Variants in ANXA8 observed in about 807,000 individuals in gnomAD.
The protein encoded by ANXA8 is VAC-beta.
In ANXA8, 9 loss-of-function variants were observed where a neutral mutation model predicts 26.8. The ratio of observed to expected loss-of-function variants is 0.34; its 90% confidence interval spans 0.20 to 0.59. ANXA8 has a LOEUF of 0.59. Ranked by LOEUF, ANXA8 falls within the 20% of genes least tolerant of loss-of-function variation. The pLI, the probability that ANXA8 is intolerant of heterozygous loss-of-function variation, is 0.84. For missense variants in ANXA8, 83 were observed against 238.5 expected (o/e 0.35, Z 4.29); for synonymous variants, 39 against 94.8 (o/e 0.41, Z 3.42).
At chr10:47,900,670 T>G in the ANXA8 span, among the ~76,000 whole-genome samples, 7 of 136,574 alleles carry the variant, frequency 5.1e-5, no homozygotes, top group East Asian at 1.3e-3. Flanking sequence ...AAAATGGTTT[T>G]TTTTTTTTTT....
chr10:47,704,329 T>A, the ANXA8 span, among the ~76,000 whole-genome samples: 3 of 143,032 alleles, frequency 2.1e-5, no homozygotes, highest in African/African-American at 7.5e-5. Flanking sequence ...TACGATCATC[T>A]CAATAGGTAC....
chr10:47,502,351 C>G, the ANXA8 span: 1 of 1,607,368 alleles, frequency 6.2e-7, no homozygotes, highest in South Asian at 1.1e-5. Flanking sequence ...AGTGGTGGCC[C>G]GCAGCAGCTG....
At chr10:47,590,835 G>A in the ANXA8 span, among the ~76,000 whole-genome samples, 3 of 128,506 alleles carry the variant, frequency 2.3e-5, no homozygotes, top group South Asian at 2.4e-4. Context: ...TATCCCTTTC[G>A]TTACCTTCAA....
chr10:47,652,098 A>G, the ANXA8 span, among the ~76,000 whole-genome samples: 2 of 151,722 alleles, frequency 1.3e-5, no homozygotes, highest in African/African-American at 4.9e-5. Flanking sequence ...CAGGAAATCC[A>G]TAGAGATAGA....
the ANXA8 span, among the ~76,000 whole-genome samples, chr10:47,636,800 T>C: frequency 6.6e-6 from 1 of 152,074 alleles, no homozygotes; most frequent in Non-Finnish European, 1.5e-5. Context: ...AAGAGGCTTG[T>C]AAACTGACTG....
At chr10:47,982,449 T>C in the ANXA8 span, among the ~76,000 whole-genome samples, 6 of 149,126 alleles carry the variant, frequency 4.0e-5, no homozygotes, top group Non-Finnish European at 7.5e-5. Flanking sequence ...TTGACAAAGG[T>C]GTCAAGACAA....
At chr10:47,488,459 C>T (rs1840084355), upstream of ANXA8, among the ~76,000 whole-genome samples, 1 of 149,366 alleles carries the variant, frequency 6.7e-6, no homozygotes, top group South Asian at 2.1e-4. Context: ...GGCCCACCCG[C>T]CTTGGCTTCC....
At chr10:47,959,447 T>C in the ANXA8 span, among the ~76,000 whole-genome samples, 24 of 149,724 alleles carry the variant, frequency 1.6e-4, no homozygotes, top group African/African-American at 5.5e-4. Context: ...GTGTCACACA[T>C]TGGATGTGCT....
At chr10:47,756,493 C>T in the ANXA8 span, among the ~76,000 whole-genome samples, 1 of 142,186 alleles carries the variant, frequency 7.0e-6, no homozygotes, top group South Asian at 2.4e-4. Flanking sequence ...TTACCAGAGC[C>T]TAGCACCGCA....
At chr10:47,491,723 C>A in the ANXA8 span, 31 of 1,544,978 alleles carry the variant, frequency 2.0e-5, no homozygotes, top group Non-Finnish European at 2.7e-5. Flanking sequence ...ACTGGCCCAA[C>A]ATGCTTTTAT....
chr10:47,986,414 C>T, the ANXA8 span: 1 of 208,586 alleles, frequency 4.8e-6, no homozygotes. Context: ...ATGTTTTATG[C>T]ATATTTTCTC....
At chr10:47,556,495 G>T in the ANXA8 span, among the ~76,000 whole-genome samples, 1 of 151,876 alleles carries the variant, frequency 6.6e-6, no homozygotes, top group Non-Finnish European at 1.5e-5. Context: ...TGTTAATCAA[G>T]ATCAGAATAA....
chr10:47,665,906 A>G, the ANXA8 span, among the ~76,000 whole-genome samples: 9 of 152,022 alleles, frequency 5.9e-5, no homozygotes, highest in African/African-American at 1.9e-4. Flanking sequence ...GTTGGAGGCT[A>G]CCTATTGTGA....
intron 6 of ANXA8, among the ~76,000 whole-genome samples, chr10:47,475,282 G>A (rs1340152763): frequency 6.6e-6 from 1 of 150,690 alleles, no homozygotes; most frequent in Non-Finnish European, 1.5e-5. Flanking sequence ...CCCGCTTCCA[G>A]GATGCTCTCA....
the ANXA8 span, among the ~76,000 whole-genome samples, chr10:47,664,350 C>T: frequency 2.0e-5 from 3 of 151,876 alleles, no homozygotes; most frequent in Non-Finnish European, 2.9e-5. Context: ...TGCACTCCAG[C>T]CTGGGTGACA....
At chr10:47,535,203 A>G in the ANXA8 span, among the ~76,000 whole-genome samples, 6 of 128,956 alleles carry the variant, frequency 4.7e-5, no homozygotes, top group East Asian at 2.9e-4. Flanking sequence ...CAAACTCCTG[A>G]CCTCAGGTGA....
the ANXA8 span, among the ~76,000 whole-genome samples, chr10:47,943,818 C>G: frequency 6.7e-6 from 1 of 148,266 alleles, no homozygotes; most frequent in Non-Finnish European, 1.5e-5. Flanking sequence ...TGGGCTGCAA[C>G]TGCATCATCC....
chr10:47,665,560 G>A, the ANXA8 span, among the ~76,000 whole-genome samples: 2 of 150,154 alleles, frequency 1.3e-5, no homozygotes, highest in South Asian at 2.1e-4. Context: ...CTGATAGAAG[G>A]CAGGTACTGT....
At chr10:47,733,143 A>ATCTTTT in the ANXA8 span, among the ~76,000 whole-genome samples, 129 of 98,148 alleles carry the variant, frequency 1.3e-3, 1 homozygote, top group Middle Eastern at 5.8e-3. Context: ...CAACTCCCTA[A>ATCTTTT]TCTTTCTTTC....
Sources: allele counts gnomAD v4.1 joint callset (sites outside exome capture counted in the v4.1 genomes callset), GRCh38; gene constraint gnomAD v4.1.1; transcripts MANE v1.5; gene names NCBI Gene and HGNC (gene_info 2026-07-23, HGNC 2026-07-21).